Variants in FAM184A observed in about 807,000 individuals in gnomAD.
FAM184A encodes the protein protein FAM184A.
Under a neutral mutation model 143.8 loss-of-function variants are expected in FAM184A, and 99 were observed. The observed-to-expected ratio is 0.69, with a 90% confidence interval of 0.58 to 0.81. The LOEUF is 0.81. Among genes scored for constraint, FAM184A ranks in the 40% least tolerant of loss-of-function variants. The pLI is 0.00. For synonymous variants in FAM184A, 427 were observed against 446.4 expected, an observed-to-expected ratio of 0.96 and a Z score of 0.55; for missense variants, 1,217 against 1,310.5, an observed-to-expected ratio of 0.93 and a Z score of 1.10.
intron 9 of FAM184A, among the ~76,000 whole-genome samples, chr6:118,980,722 G>A (rs947530577): frequency 2.0e-5 from 3 of 152,200 alleles, no homozygotes; most frequent in Non-Finnish European, 4.4e-5. Context: ...GAAAGAGTAT[G>A]TTAAACCACT....
At chr6:119,028,324 G>C (rs998836492) in intron 1 of FAM184A, among the ~76,000 whole-genome samples, 5 of 152,184 alleles carry the variant, frequency 3.3e-5, no homozygotes, top group Admixed American at 6.5e-5. Context: ...TGCGGGATAG[G>C]AGCATCTTTT....
intron 1 of FAM184A, among the ~76,000 whole-genome samples, chr6:119,145,031 C>T (rs1045714111): frequency 1.3e-5 from 2 of 152,218 alleles, no homozygotes; most frequent in Non-Finnish European, 2.9e-5. Context: ...CACTCTCCAC[C>T]CTTCTCTGCT....
At chr6:119,081,282 G>A (rs751556714), upstream of FAM184A, among the ~76,000 whole-genome samples, 55 of 152,140 alleles carry the variant, frequency 3.6e-4, no homozygotes, top group Non-Finnish European at 7.2e-4. Flanking sequence ...CAGCATGGGG[G>A]AAGCCACCCC....
intron 1 of FAM184A, among the ~76,000 whole-genome samples, chr6:119,142,101 T>TAATC (rs1772258367): frequency 6.6e-6 from 1 of 152,346 alleles, no homozygotes; most frequent in East Asian, 1.9e-4. Context: ...CGTTGAGAGT[T>TAATC]AATCATTCCC....
intron 1 of FAM184A, among the ~76,000 whole-genome samples, chr6:119,058,128 G>GACCTGCC (rs1389609014): frequency 6.8e-6 from 1 of 147,766 alleles, no homozygotes; most frequent in Admixed American, 6.8e-5. Context: ...TCTACAATGT[G>GACCTGCC]ACCTGCCACT....
upstream of FAM184A, among the ~76,000 whole-genome samples, chr6:119,079,617 G>A (rs1288966452): frequency 6.6e-6 from 1 of 152,192 alleles, no homozygotes; most frequent in Non-Finnish European, 1.5e-5. Flanking sequence ...CTTTAAAAAC[G>A]TAGAATTGTA....
In FAM184A at chr6:118,976,005, G is replaced by A; in HGVS notation, c.2495C>T (p.Ala832Val). 5 of 1,613,252 alleles carry A rather than the reference G, an allele frequency of 3.1e-6. No individual in the cohort carries two copies. Among genetic ancestry groups the A allele is most frequent in the Non-Finnish European group, 4.2e-6 (5 of 1,179,802 alleles). Residue 832 changes from alanine (A) to valine (V), a missense_variant, in exon 12 of 18, where the codon GCA becomes GTA. Coordinates refer to ENST00000338891, the MANE Select transcript of FAM184A (RefSeq NM_024581.6). ...RSELNHQHAA[A>V]IDLLRHNHHQ... ...ATGATTATGCCGTAACAAATCAATT[G>A]CAGCTGCATGTTGATGGTTGAGTTC...
chr6:118,964,018 C>T (rs929290898), intron 16 of FAM184A: 1 of 151,984 alleles, frequency 6.6e-6, no homozygotes, highest in Non-Finnish European at 1.5e-5. Context: ...AAGTCATACT[C>T]AATTTTAATT....
chr6:119,092,003 G>T (rs1488464649), intron 1 of FAM184A, among the ~76,000 whole-genome samples: 2 of 152,166 alleles, frequency 1.3e-5, no homozygotes, highest in African/African-American at 2.4e-5. Flanking sequence ...TACCCAAGGG[G>T]TAGCCTCTTT....
At chr6:118,969,508 A>G (rs1299551172) in intron 14 of FAM184A, among the ~76,000 whole-genome samples, 1 of 152,218 alleles carries the variant, frequency 6.6e-6, no homozygotes, top group Admixed American at 6.5e-5. Context: ...CAAAATTTTT[A>G]CAGAAAGAAA....
At chr6:119,078,817 C>T, upstream of FAM184A, 1 of 153,986 alleles carries the variant, frequency 6.5e-6, no homozygotes, top group Non-Finnish European at 1.5e-5. This position sits in a 1 kb window ranked among gnomAD's most constrained non-coding sequence, Gnocchi z 5.5. Context: ...CCGCCGCCGC[C>T]GCCGCCAGTC....
chr6:118,994,964 G>A (rs911973076), intron 9 of FAM184A, among the ~76,000 whole-genome samples: 1 of 152,168 alleles, frequency 6.6e-6, no homozygotes, highest in Non-Finnish European at 1.5e-5. Context: ...GTTATTGCTC[G>A]ACTTTCAATT....
At chr6:119,000,821 C>T (rs1051486729) in intron 9 of FAM184A, among the ~76,000 whole-genome samples, 18 of 152,004 alleles carry the variant, frequency 1.2e-4, no homozygotes, top group African/African-American at 4.1e-4. Context: ...AATCCCAAGC[C>T]ATGTCTGTTT....
chr6:118,983,461 T>C (rs1443017725), intron 9 of FAM184A, among the ~76,000 whole-genome samples: 1 of 152,158 alleles, frequency 6.6e-6, no homozygotes, highest in African/African-American at 2.4e-5. Flanking sequence ...TAGAAAGGCT[T>C]GTGTTGAATA....
intron 1 of FAM184A, among the ~76,000 whole-genome samples, chr6:119,087,726 T>C (rs1393187974): frequency 6.6e-6 from 1 of 152,176 alleles, no homozygotes. Context: ...TACTGTATGA[T>C]TCAGAAATTT....
At chr6:119,146,397 C>CGTGTGTGTGTGTGT (rs60937351) in intron 1 of FAM184A, among the ~76,000 whole-genome samples, 4 of 136,310 alleles carry the variant, frequency 2.9e-5, no homozygotes, top group African/African-American at 8.3e-5. Flanking sequence ...GATTAACTTA[C>CGTGTGTGTGTGTGT]GTGTGTGTGT....
At chr6:119,108,567 T>A (rs1287859527) in intron 1 of FAM184A, among the ~76,000 whole-genome samples, 5 of 152,212 alleles carry the variant, frequency 3.3e-5, no homozygotes, top group Non-Finnish European at 7.3e-5. Context: ...TAAAAGACTG[T>A]CTACCTTTTC....
chr6:119,083,695 C>T (rs1385765623), intron 1 of FAM184A, among the ~76,000 whole-genome samples: 1 of 152,196 alleles, frequency 6.6e-6, no homozygotes, highest in East Asian at 1.9e-4. Context: ...TCATCTGAAA[C>T]CACCTCAGCC....
intron 1 of FAM184A, among the ~76,000 whole-genome samples, chr6:119,033,558 A>G (rs1745208203): frequency 6.6e-6 from 1 of 151,590 alleles, no homozygotes; most frequent in Admixed American, 6.6e-5. Context: ...CCAGCTACTC[A>G]GGAGGCTGAG....
Sources: gnomAD v4.1 joint callset for allele counts (sites outside exome capture counted in the v4.1 genomes callset) on GRCh38, gnomAD v4.1.1 for gene constraint, Gnocchi (gnomAD v3.1) non-coding constraint, MANE v1.5 for transcripts, NCBI Gene and HGNC (gene_info 2026-07-23, HGNC 2026-07-21) for gene names.